CDH7: variants seen among roughly 807,000 people sequenced by gnomAD.
The protein encoded by CDH7 is cadherin-7.
CDH7 carries 25 observed loss-of-function variants against 71.8 expected under a neutral mutation model. The ratio of observed to expected loss-of-function variants is 0.35; its 90% CI spans 0.25 to 0.49. The LOEUF (loss-of-function observed/expected upper bound fraction) is 0.49, where lower values mean the gene tolerates loss of function less well. Among genes scored for constraint, CDH7 ranks in the 20% least tolerant of loss-of-function variants. The probability of loss-of-function intolerance (pLI) is 0.99; values close to 1 mark genes in which losing one functional copy is unlikely to be tolerated. For missense variants in CDH7, 862 were observed against 974.6 expected (o/e 0.88, Z 1.54); for synonymous variants, 381 against 363.8 (o/e 1.05, Z -0.54).
chr18:65,782,180 T>TTCTTTCTTTCTTTCTTTCTTTCTTTCTC (rs1568182822), intron 2 of CDH7, among the ~76,000 whole-genome samples: 3 of 138,672 alleles, frequency 2.2e-5, no homozygotes, highest in African/African-American at 9.1e-5. Context: ...CTTTCTTTCT[T>TTCTTTCTTTCTTTCTTTCTTTCTTTCTC]TCTTTCTTGA....
intron 2 of CDH7, among the ~76,000 whole-genome samples, chr18:65,801,040 A>G (rs1040771624): frequency 6.6e-6 from 1 of 152,290 alleles, no homozygotes; most frequent in Non-Finnish European, 1.5e-5. Context: ...TTGTGTGGTC[A>G]CCAAAATTAC....
intron 6 of CDH7, among the ~76,000 whole-genome samples, chr18:65,839,552 A>G (rs188557560): frequency 7.2e-5 from 11 of 152,330 alleles, no homozygotes; most frequent in Admixed American, 2.6e-4. Context: ...ACACAAATAT[A>G]AAATGCAAAA....
rs375501555 is a variant in CDH7 at position 65,859,818 on chromosome 18, T to C, written c.1605T>C (p.Asp535=). The C allele has an allele frequency of 6.6e-5, 102 of 1,555,584 alleles. No homozygotes were observed. The South Asian group carries it at 1.1e-3, about 17-fold the overall frequency. Residue 535 remains aspartate (D), a synonymous_variant, in exon 10 of 12, where the codon GAT becomes GAC. Coordinates refer to ENST00000397968, the MANE Select transcript of CDH7 (RefSeq NM_004361.5). ...ATNNHNFSLK[D]NKDNTASILT... is the part of the protein sequence containing the mutation. ...ATAACCACAACTTTTCATTGAAAGA[T>C]AACAAAGGTAATGTATTAATATTGT...
Position 65,886,619 on chromosome 18 carries a change from CAAT to C in CDH7, c.*5729_*5731del, listed in dbSNP as rs1914380693. On this transcript the variant is annotated 3_prime_UTR_variant, in exon 12 of 12. Coordinates refer to ENST00000397968, the MANE Select transcript of CDH7 (RefSeq NM_004361.5). ...CAAAACACCAGAATAGAGAAAAAGA[CAAT>C]AATGAGTATAAGTTAAGTGGTCTTC... 1 of 151,948 alleles carries C rather than the reference CAAT, an allele frequency of 6.6e-6. No homozygotes were observed. The highest frequency in any genetic ancestry group is 1.5e-5 in the Non-Finnish European group (1 of 67,972). The allele number at this position is 151,948 out of a possible 1,614,324, so 9.4% of individuals were successfully genotyped here. A position where few individuals can be genotyped will look rare whatever the true frequency, so the allele number is the denominator to read the frequency against.
At chr18:65,755,839 C>G (rs531733193) in intron 1 of CDH7, among the ~76,000 whole-genome samples, 1 of 152,130 alleles carries the variant, frequency 6.6e-6, no homozygotes, top group African/African-American at 2.4e-5. Context: ...ACTGGGGACA[C>G]AAGAGCAAAT....
At chr18:65,851,545 A>G (rs544094518) in intron 7 of CDH7, among the ~76,000 whole-genome samples, 3 of 152,338 alleles carry the variant, frequency 2.0e-5, no homozygotes, top group South Asian at 4.1e-4. Flanking sequence ...TAGCTCATCA[A>G]ATAGCTGCAG....
chr18:65,841,703 A>C (rs1403314028), intron 6 of CDH7, among the ~76,000 whole-genome samples: 1 of 152,140 alleles, frequency 6.6e-6, no homozygotes, highest in Non-Finnish European at 1.5e-5. Flanking sequence ...CAGGTTTCTT[A>C]AGAGAGGATT....
chr18:65,822,043 A>T, intron 4 of CDH7, 38 bp from the exon 5 acceptor site: 12 of 1,519,506 alleles, frequency 7.9e-6, no homozygotes, highest in Non-Finnish European at 1.1e-5. Flanking sequence ...AAATGCAGTG[A>T]TTCATGATGA....
At chr18:65,840,086 C>A (rs575048269) in intron 6 of CDH7, among the ~76,000 whole-genome samples, 2 of 152,316 alleles carry the variant, frequency 1.3e-5, no homozygotes, top group Non-Finnish European at 2.9e-5. Flanking sequence ...AGAATGTACT[C>A]CCTGCCAAGT....
chr18:65,768,059 C>A lies in CDH7; in HGVS notation c.210+5007C>A, dbSNP rs533870226. 7.2e-5 allele frequency among the ~76,000 whole-genome samples: 11 copies of A among 152,274 alleles called. No individual in the cohort carries two copies. The South Asian group carries it at 2.3e-3, about 32-fold the overall frequency. On this transcript the variant is annotated intron_variant, in intron 2 of 11. Transcript: ENST00000397968. The stretch of plus-strand genomic sequence containing the variant: ...TGCCTGATTATAGCCAAACTAGGTA[C>A]TCTAGATTGGGCTCCACATTTCCTG...
At chr18:65,811,640 C>A (rs1194538527) in intron 3 of CDH7, among the ~76,000 whole-genome samples, 1 of 152,078 alleles carries the variant, frequency 6.6e-6, no homozygotes, top group Non-Finnish European at 1.5e-5. Flanking sequence ...ATTTTCCTCC[C>A]CAGATTAGTA....
chr18:65,794,141 A>T (rs981138597), intron 2 of CDH7, among the ~76,000 whole-genome samples: 5 of 150,790 alleles, frequency 3.3e-5, no homozygotes, highest in African/African-American at 1.2e-4. Flanking sequence ...ACTTGTTATG[A>T]TAAATAACAT....
chr18:65,781,880 GTC>G lies in CDH7; in HGVS notation c.210+18840_210+18841del, dbSNP rs1169422811. On this transcript the variant is annotated intron_variant, in intron 2 of 11. Transcript: ENST00000397968. ...TTTCTTTCTTTCTCTCTCTCTCTCTGTCTCTCTCTCTCTTTCTCTCTATCTTT... is the reference window on the plus strand; with the variant it reads ...TTTCTTTCTTTCTCTCTCTCTCTCTGTCTCTCTCTCTTTCTCTCTATCTTT... Among the ~76,000 whole-genome samples, 9 of 25,946 alleles carry G rather than the reference GTC, an allele frequency of 3.5e-4. 1 individual carries two copies. The highest frequency in any genetic ancestry group is 9.5e-4 in the East Asian group (1 of 1,048). The allele number at this position is 25,946 out of a possible 152,430, so 17.0% of individuals were successfully genotyped here.
At chr18:65,863,063 G>C (rs1913635620) in intron 11 of CDH7, 146 bp downstream of exon 11, 3 of 875,244 alleles carry the variant, frequency 3.4e-6, no homozygotes, top group East Asian at 2.6e-5. Context: ...TTTGAGACGG[G>C]GTCTCACTCT....
At position 65,782,982 on chromosome 18, in the gene CDH7, T is replaced by A. The variant is rs185924379; in HGVS notation, c.210+19930T>A. On this transcript the variant is annotated intron_variant, in intron 2 of 11. Transcript: ENST00000397968. The stretch of plus-strand genomic sequence containing the variant: ...CAAAACAGACTGCAAAAAGGATAAC[T>A]GTTTACAACATGGAAGCAGAATGAG... 3.3e-5 allele frequency among the ~76,000 whole-genome samples: 5 copies of A among 152,296 alleles called. No homozygotes were observed. In the East Asian group the frequency reaches 5.8e-4, roughly 18 times the overall value.
At chr18:65,821,983 C>T (rs893294050) in intron 4 of CDH7, 98 bp from the exon 5 acceptor site, 1 of 882,978 alleles carries the variant, frequency 1.1e-6, no homozygotes, top group Non-Finnish European at 1.8e-6. Flanking sequence ...CAACAAAAGG[C>T]AACAACTCAA....
At chr18:65,856,382 T>C (rs990141396) in intron 7 of CDH7, among the ~76,000 whole-genome samples, 2 of 152,132 alleles carry the variant, frequency 1.3e-5, no homozygotes, top group Non-Finnish European at 2.9e-5. Context: ...TGGTAAGAGA[T>C]GTGAGGAAAT....
At chr18:65,839,477 C>T (rs1054801529) in intron 6 of CDH7, among the ~76,000 whole-genome samples, 1 of 152,132 alleles carries the variant, frequency 6.6e-6, no homozygotes, top group East Asian at 1.9e-4. Context: ...GGTCCCACCT[C>T]CTAATGGCAT....
chr18:65,768,155 A>G (rs1169142595), intron 2 of CDH7, among the ~76,000 whole-genome samples: 2 of 151,928 alleles, frequency 1.3e-5, no homozygotes, highest in South Asian at 2.1e-4. Flanking sequence ...TTTATGTGCA[A>G]TCTACTTGCG....
Sources: gnomAD v4.1 joint callset for allele counts (sites outside exome capture counted in the v4.1 genomes callset) on GRCh38, gnomAD v4.1.1 for gene constraint, MANE v1.5 for transcripts, NCBI Gene and HGNC (gene_info 2026-07-23, HGNC 2026-07-21) for gene names.